Variants in KIF18B observed in about 807,000 individuals in gnomAD.
KIF18B encodes kinesin-like protein KIF18B.
KIF18B carries 49 observed loss-of-function variants against 80.9 expected under a neutral mutation model. The observed-to-expected ratio is 0.61, with a 90% CI of 0.48 to 0.77. KIF18B has a LOEUF of 0.77. KIF18B is among the 30% of genes least tolerant of loss of function. The pLI is 0.00. For missense variants in KIF18B, 994 were observed against 1,127.7 expected, an observed-to-expected ratio of 0.88 and a Z score of 1.70; for synonymous variants, 439 against 463.9, an observed-to-expected ratio of 0.95 and a Z score of 0.69.
rs1390950043 is a variant in KIF18B at position 44,928,440 on chromosome 17, G to A, written c.1862C>T (p.Ser621Phe). ...PGPNCTPAQG[S>F]RWPMEKKRRR... is the part of the protein sequence containing the mutation. ...CCTCTTCTTCTCCATGGGCCATCGG[G>A]ACCCCTGGGCTGGGGTGCAGTTGGG... Residue 621 changes from serine (S) to phenylalanine (F), a missense_variant, in exon 13 of 16, where the codon TCC becomes TTC. Transcript: ENST00000593135. 1 of 1,539,046 alleles carries A rather than the reference G, an allele frequency of 6.5e-7. No homozygotes were observed. The highest frequency in any genetic ancestry group is 1.4e-5 in the African/African-American group (1 of 73,198).
Position 44,926,017 on chromosome 17 carries a change from G to C in KIF18B, c.*63C>G. ...CTGGTGCAGGTGGCTACAGGTCCAA[G>C]AGGGGTATCCAGCAGAGGGGCCGGT... On this transcript the variant is annotated 3_prime_UTR_variant, in exon 16 of 16. Coordinates refer to ENST00000593135, the MANE Select transcript of KIF18B (RefSeq NM_001265577.2). The C allele has an allele frequency of 6.3e-7, 1 of 1,581,192 alleles. No homozygotes were observed. The highest frequency in any genetic ancestry group is 8.7e-7 in the Non-Finnish European group (1 of 1,151,802).
intron 1 of KIF18B, among the ~76,000 whole-genome samples, chr17:44,946,062 A>C (rs954038834): frequency 5.1e-4 from 43 of 85,112 alleles, no homozygotes; most frequent in African/African-American, 4.0e-3. Context: ...TCTACTTCCA[A>C]AAAAAAAAAA....
intron 7 of KIF18B, among the ~76,000 whole-genome samples, 178 bp downstream of exon 7, chr17:44,933,745 G>C (rs531059661): frequency 6.6e-6 from 1 of 152,142 alleles, no homozygotes; most frequent in South Asian, 2.1e-4. Flanking sequence ...TGCCCACCTT[G>C]GTCTCCCAAA....
At position 44,932,043 on chromosome 17, in the gene KIF18B, C is replaced by T. The variant is rs2052162997; in HGVS notation, c.1389+13G>A. On this transcript the variant is annotated intron_variant, in intron 10 of 15. Coordinates refer to ENST00000593135, the MANE Select transcript of KIF18B (RefSeq NM_001265577.2). ...CCCTCCCGATACCCAGGCCTCACAC[C>T]CCCAAGTCCTACCTCCTCAGCTGGG... 6.2e-7 allele frequency: 1 copy of T among 1,601,794 alleles called. No individual in the cohort carries two copies. Among genetic ancestry groups the T allele is most frequent in the Non-Finnish European group, 8.5e-7 (1 of 1,172,488 alleles).
At chr17:44,944,844 A>G (rs1421066983) in intron 1 of KIF18B, among the ~76,000 whole-genome samples, 2 of 152,162 alleles carry the variant, frequency 1.3e-5, no homozygotes, top group Non-Finnish European at 2.9e-5. Context: ...TTCCAAGGGC[A>G]TTGTCAAAAA....
chr17:44,943,302 G>A (rs571863037), intron 1 of KIF18B, among the ~76,000 whole-genome samples: 8 of 151,670 alleles, frequency 5.3e-5, no homozygotes, highest in Non-Finnish European at 8.8e-5. Context: ...GGGTTTCACC[G>A]TGTTAGCCAG....
rs772754272 is a variant in KIF18B at position 44,934,562 on chromosome 17, G to A, written c.632C>T (p.Thr211Met). Residue 211 changes from threonine (T) to methionine (M), a missense_variant, in exon 5 of 16, where the codon ACG becomes ATG. Physicochemically the swap from Thr to Met is moderately conservative, Grantham distance 81 (BLOSUM62 -1). Transcript: ENST00000593135. This position sits in a 1 kb window ranked among gnomAD's most constrained non-coding sequence, Gnocchi z 5.4. ...EILTRGNRNR[T>M]QHPTDANATS... The stretch of plus-strand genomic sequence containing the variant: ...CGCGTTGGCATCAGTGGGGTGCTGC[G>A]TGCGGTTACGGTTCCCCCTGGTCAG... The A allele has an allele frequency of 9.9e-6, 16 of 1,612,842 alleles. No individual in the cohort carries two copies. The highest frequency in any genetic ancestry group is 1.3e-5 in the Non-Finnish European group (15 of 1,179,542).
rs2052223983 is a variant in KIF18B at position 44,934,170 on chromosome 17, T to C, written c.885+63A>G. 2 of 1,596,194 alleles carry C rather than the reference T, an allele frequency of 1.3e-6. No individual in the cohort carries two copies. Among genetic ancestry groups the C allele is most frequent in the Admixed American group, 3.4e-5 (2 of 58,536 alleles). On this transcript the variant is annotated intron_variant, in intron 6 of 15. Transcript: ENST00000593135. The surrounding 1 kb of genome is among the most constrained non-coding windows in gnomAD (Gnocchi z 5.4). ...GACCCAGGATGGGGCCCTGTGGCCT[T>C]TGGCCCTGGGTTCAGGTGCTCAGTT...
Position 44,936,166 on chromosome 17 carries a change from C to A in KIF18B, c.179G>T (p.Gly60Val). Reference protein sequence around the residue: ...PGLKWGGTHDGPKKKGKDLTF... With the variant: ...PGLKWGGTHDVPKKKGKDLTF... ...CAGGTCTTTGCCCTTCTTCTTGGGG[C>A]CATCATGGGTGCCACCCCATTTCAG... Residue 60 changes from glycine to valine, a missense_variant, in exon 2 of 16, where the codon GGC (glycine) becomes GTC (valine). Coordinates refer to ENST00000593135, the MANE Select transcript of KIF18B (RefSeq NM_001265577.2). 1.2e-6 allele frequency: 2 copies of A among 1,613,236 alleles called. No individual in the cohort carries two copies. The highest frequency in any genetic ancestry group is 1.7e-6 in the Non-Finnish European group (2 of 1,179,646).
Position 44,934,766 on chromosome 17 carries a change from C to G in KIF18B, c.576+65G>C. 1 of 1,350,970 alleles carries G rather than the reference C, an allele frequency of 7.4e-7. No homozygotes were observed. Among genetic ancestry groups the G allele is most frequent in the Non-Finnish European group, 1.0e-6 (1 of 981,486 alleles). The allele number at this position is 1,350,970 out of a possible 1,614,324, so 83.7% of individuals were successfully genotyped here. On this transcript the variant is annotated intron_variant, in intron 4 of 15. Coordinates refer to ENST00000593135, the MANE Select transcript of KIF18B (RefSeq NM_001265577.2). This position sits in a 1 kb window ranked among gnomAD's most constrained non-coding sequence, Gnocchi z 5.4. ...TCACAGGACCCAGGGCATCCCCAAA[C>G]AGTTTTGTGAGGGAACCCCAAGGAC...
Position 44,933,912 on chromosome 17 carries a change from C to G in KIF18B, c.1062+11G>C. The G allele has an allele frequency of 2.6e-6, 4 of 1,549,624 alleles. No homozygotes were observed. Among genetic ancestry groups the G allele is most frequent in the Non-Finnish European group, 3.5e-6 (4 of 1,147,544 alleles). ...TGCCCCACGCCCAAGCCGGCCCTGG[C>G]TGGCACGCACCGAGAGCCTGATCTC... On this transcript the variant is annotated intron_variant, in intron 7 of 15. Transcript: ENST00000593135.
At position 44,933,795 on chromosome 17, in the gene KIF18B, G is replaced by A. The variant is rs149765417; in HGVS notation, c.1062+128C>T. On this transcript the variant is annotated intron_variant, in intron 7 of 15. Transcript: ENST00000593135. ...GGCATGAGCCACCATGTCCAGGCCA[G>A]AGGAACTTCCTTCCTCTGCCTTGGG... 237 of 932,946 alleles carry A rather than the reference G, an allele frequency of 2.5e-4. No homozygotes were observed. The East Asian group carries it at 5.9e-3, about 23-fold the overall frequency. The allele number at this position is 932,946 out of a possible 1,614,324, so 57.8% of individuals were successfully genotyped here.
intron 1 of KIF18B, among the ~76,000 whole-genome samples, chr17:44,943,399 C>T (rs957020142): frequency 9.2e-5 from 14 of 152,110 alleles, no homozygotes; most frequent in Non-Finnish European, 1.9e-4. Context: ...CGCGCCTGGC[C>T]TCTTTTGTTT....
At chr17:44,932,588 G>C in intron 9 of KIF18B, 85 bp downstream of exon 9, 1 of 808,744 alleles carries the variant, frequency 1.2e-6, no homozygotes, top group Non-Finnish European at 2.2e-6. Flanking sequence ...AGGAGTCCTA[G>C]TCCTCCAGAA....
intron 11 of KIF18B, among the ~76,000 whole-genome samples, chr17:44,930,392 G>T (rs2052120719): frequency 6.6e-6 from 1 of 152,124 alleles, no homozygotes; most frequent in African/African-American, 2.4e-5. Context: ...CTATGCATTA[G>T]ACTTCAGCAT....
At position 44,934,238 on chromosome 17, in the gene KIF18B, C is replaced by T. The variant is rs773115915; in HGVS notation, c.880G>A (p.Ala294Thr). The T allele has an allele frequency of 1.9e-6, 3 of 1,609,864 alleles. No individual in the cohort carries two copies. Among genetic ancestry groups the T allele is most frequent in the Admixed American group, 1.7e-5 (1 of 59,848 alleles). Reference sequence around the variant, plus strand: ...ACTGGCCTGTGCTGCTTTACCTTTGCATCGGCCAAGGCATTGAGGACGTTG... The same window carrying T: ...ACTGGCCTGTGCTGCTTTACCTTTGTATCGGCCAAGGCATTGAGGACGTTG... The part of the protein sequence containing the change: ...LINVLNALAD[A>T]KGRKTHVPYR... Residue 294 changes from alanine (A) to threonine (T), a missense_variant, in exon 6 of 16, where the codon GCA (alanine) becomes ACA (threonine). Transcript: ENST00000593135. The surrounding 1 kb of genome is among the most constrained non-coding windows in gnomAD (Gnocchi z 5.4).
In KIF18B at chr17:44,927,890, G is replaced by T; in HGVS notation, c.2276+136C>A. ...GCTGTTGGGCCTGGGGAGCAAAGCG[G>T]ATCACAACCAAAGTGGAACAGATAG... On this transcript the variant is annotated intron_variant, in intron 13 of 15. Transcript: ENST00000593135. This position sits in a 1 kb window ranked among gnomAD's most constrained non-coding sequence, Gnocchi z 4.1. The T allele has an allele frequency of 1.3e-6, 1 of 793,302 alleles. No individual in the cohort carries two copies. Among genetic ancestry groups the T allele is most frequent in the Non-Finnish European group, 1.8e-6 (1 of 549,314 alleles). The allele number at this position is 793,302 out of a possible 1,614,324, so 49.1% of individuals were successfully genotyped here. A position where few individuals can be genotyped will look rare whatever the true frequency, so the allele number is the denominator to read the frequency against.
chr17:44,943,761 G>A (rs556423905), intron 1 of KIF18B, among the ~76,000 whole-genome samples: 1 of 152,222 alleles, frequency 6.6e-6, no homozygotes, highest in South Asian at 2.1e-4. Flanking sequence ...AGGCTGGAAT[G>A]CAGTGGTGGG....
At chr17:44,947,210 G>A (rs1478435723) in intron 1 of KIF18B, among the ~76,000 whole-genome samples, 1 of 151,934 alleles carries the variant, frequency 6.6e-6, no homozygotes, top group Non-Finnish European at 1.5e-5. Context: ...GGTGGAGGGG[G>A]GCTTACATAC....
Sources: gnomAD v4.1 joint callset for allele counts (sites outside exome capture counted in the v4.1 genomes callset) on GRCh38, gnomAD v4.1.1 for gene constraint, Gnocchi (gnomAD v3.1) non-coding constraint, MANE v1.5 for transcripts, NCBI Gene and HGNC (gene_info 2026-07-23, HGNC 2026-07-21) for gene names.